Variants in LMOD1 observed in about 807,000 individuals in gnomAD.
LMOD1 encodes the protein leiomodin-1.
A neutral mutation model predicts 36.5 loss-of-function variants in LMOD1; 8 were observed. The ratio of observed to expected loss-of-function variants is 0.22; its 90% CI spans 0.13 to 0.40. The LOEUF (loss-of-function observed/expected upper bound fraction) is 0.40, where lower values mean the gene tolerates loss of function less well. Ranked by LOEUF, LMOD1 falls within the 10% of genes least tolerant of loss-of-function variation. The probability of loss-of-function intolerance (pLI) is 1.00; values close to 1 mark genes in which losing one functional copy is unlikely to be tolerated. For synonymous variants in LMOD1, 284 were observed against 288.7 expected, an observed-to-expected ratio of 0.98 and a Z score of 0.17; for missense variants, 630 against 751.1, an observed-to-expected ratio of 0.84 and a Z score of 1.88.
At position 201,900,095 on chromosome 1, in the gene LMOD1, C is replaced by T. The variant is rs750669360; in HGVS notation, c.918G>A (p.Pro306=). The change falls in exon 2 of 3, where the codon CCG becomes CCA. Residue 306 remains proline, a synonymous_variant. Transcript: ENST00000367288. ...GAGCTGCCTCCTCCTCCACCTTGGC[C>T]GGTCCTTCAGAGGGCTTGGTGGGGC... The part of the protein sequence containing the change: ...PSGPTKPSEG[P]AKVEEEAAPS... The T allele has an allele frequency of 1.7e-5, 27 of 1,613,788 alleles. No individual in the cohort carries two copies. The highest frequency in any genetic ancestry group is 5.5e-5 in the South Asian group (5 of 91,074).
At chr1:201,932,194 G>A (rs1401741520) in intron 1 of LMOD1, among the ~76,000 whole-genome samples, 1 of 152,086 alleles carries the variant, frequency 6.6e-6, no homozygotes, top group Non-Finnish European at 1.5e-5. Context: ...AGTTAAAGAG[G>A]AAAATTACAA....
chr1:201,927,968 C>T (rs186766085), intron 1 of LMOD1, among the ~76,000 whole-genome samples: 106 of 152,268 alleles, frequency 7.0e-4, no homozygotes, highest in Admixed American at 4.1e-3. Flanking sequence ...GGGTTTGGGT[C>T]ATGGGGGCAC....
chr1:201,903,592 G>A (rs1464101434), intron 1 of LMOD1, among the ~76,000 whole-genome samples: 1 of 152,206 alleles, frequency 6.6e-6, no homozygotes, highest in African/African-American at 2.4e-5. Context: ...AGCCCTTTTA[G>A]GATCTGCCCA....
intron 1 of LMOD1, among the ~76,000 whole-genome samples, chr1:201,933,046 T>C (rs1207013982): frequency 6.6e-6 from 1 of 152,162 alleles, no homozygotes; most frequent in African/African-American, 2.4e-5. Context: ...ACAACCCAAA[T>C]GTCCATTAAC....
chr1:201,906,053 G>A (rs1681405640), intron 1 of LMOD1, among the ~76,000 whole-genome samples: 1 of 152,176 alleles, frequency 6.6e-6, no homozygotes, highest in Non-Finnish European at 1.5e-5. Flanking sequence ...AATGCCCCTA[G>A]CTCGAGCTCC....
Position 201,898,157 on chromosome 1 carries a change from A to G in LMOD1, c.*215T>C, listed in dbSNP as rs1322378805. The stretch of plus-strand genomic sequence containing the variant: ...CCAGAAACCTGAGCTCCATGTACTA[A>G]AGCAAAATTTGGAGAGCCTCAGAGA... On this transcript the variant is annotated 3_prime_UTR_variant, in exon 3 of 3. Transcript: ENST00000367288. 2 of 600,546 alleles carry G rather than the reference A, an allele frequency of 3.3e-6. No individual in the cohort carries two copies. Among genetic ancestry groups the G allele is most frequent in the African/African-American group, 3.7e-5 (2 of 53,546 alleles). The allele number at this position is 600,546 out of a possible 1,614,324, so 37.2% of individuals were successfully genotyped here. A position where few individuals can be genotyped will look rare whatever the true frequency, so the allele number is the denominator to read the frequency against.
chr1:201,914,748 C>A (rs1039383497), intron 1 of LMOD1, among the ~76,000 whole-genome samples: 2 of 151,882 alleles, frequency 1.3e-5, no homozygotes, highest in South Asian at 4.2e-4. Context: ...CCCAGGCTCA[C>A]CCCTCCCCAC....
intron 1 of LMOD1, among the ~76,000 whole-genome samples, chr1:201,931,909 AC>A (rs1206850900): frequency 2.6e-4 from 39 of 152,258 alleles, no homozygotes; most frequent in African/African-American, 9.1e-4. Context: ...TCAAAAAAAA[AC>A]AAACTAATTT....
intron 1 of LMOD1, among the ~76,000 whole-genome samples, chr1:201,915,041 C>T (rs1240145942): frequency 2.0e-5 from 3 of 152,206 alleles, no homozygotes; most frequent in African/African-American, 4.8e-5. Flanking sequence ...TAGTTTCATC[C>T]AGATCACTTC....
intron 1 of LMOD1, among the ~76,000 whole-genome samples, chr1:201,943,027 G>A (rs1463036447): frequency 3.3e-5 from 5 of 152,156 alleles, no homozygotes; most frequent in Admixed American, 3.3e-4. Flanking sequence ...AGTTTTTCTA[G>A]TTATGTTCCT....
rs751187925 is a variant in LMOD1 at position 201,899,404 on chromosome 1, G to A, written c.1609C>T (p.Pro537Ser). 1.2e-6 allele frequency: 2 copies of A among 1,612,976 alleles called. No homozygotes were observed. The highest frequency in any genetic ancestry group is 3.3e-5 in the Admixed American group (2 of 59,980). Residue 537 changes from proline (P) to serine (S), a missense_variant, in exon 2 of 3, where the codon CCT becomes TCT. Coordinates refer to ENST00000367288, the MANE Select transcript of LMOD1 (RefSeq NM_012134.3). This position sits in a 1 kb window ranked among gnomAD's most constrained non-coding sequence, Gnocchi z 6.3. ...AGGGGTGGAGCCAAGGGAGGGGGAG[G>A]GGGTGGTGGGGCAGCTGGAGCACCC... is the stretch of plus-strand genomic sequence containing the variant. ...KGGAPAAPPP[P>S]PPPLAPPLIM...
intron 1 of LMOD1, among the ~76,000 whole-genome samples, chr1:201,933,889 T>C (rs1681971358): frequency 6.6e-6 from 1 of 152,152 alleles, no homozygotes; most frequent in East Asian, 1.9e-4. Flanking sequence ...CTTAGAAATA[T>C]TAAATGCTTG....
At chr1:201,933,600 T>TATATATATATATATATATATAC (rs1558242943) in intron 1 of LMOD1, among the ~76,000 whole-genome samples, 1 of 7,138 alleles carries the variant, frequency 1.4e-4, no homozygotes, top group Non-Finnish European at 7.3e-4. Context: ...ATACATTATA[T>TATATATATATATATATATATAC]ATATATATAT....
At chr1:201,914,922 C>T (rs919774145) in intron 1 of LMOD1, among the ~76,000 whole-genome samples, 4 of 152,076 alleles carry the variant, frequency 2.6e-5, no homozygotes, top group Non-Finnish European at 4.4e-5. Context: ...CCAGCTGTAG[C>T]GCCAGCCTTC....
At chr1:201,922,089 T>C (rs1681715856) in intron 1 of LMOD1, among the ~76,000 whole-genome samples, 2 of 152,084 alleles carry the variant, frequency 1.3e-5, no homozygotes, top group Admixed American at 1.3e-4. Flanking sequence ...AGACAGACAA[T>C]AATAAGTGTG....
At chr1:201,919,492 C>A (rs543552757) in intron 1 of LMOD1, among the ~76,000 whole-genome samples, 1 of 152,216 alleles carries the variant, frequency 6.6e-6, no homozygotes, top group Non-Finnish European at 1.5e-5. Context: ...GCATGAGCCA[C>A]CACGCCTGGC....
chr1:201,912,733 C>T (rs1335125329), intron 1 of LMOD1, among the ~76,000 whole-genome samples: 1 of 152,100 alleles, frequency 6.6e-6, no homozygotes, highest in Non-Finnish European at 1.5e-5. Flanking sequence ...GTGGCGGGCG[C>T]CTGTAATCCC....
At chr1:201,933,152 G>T (rs948538773) in intron 1 of LMOD1, among the ~76,000 whole-genome samples, 1 of 152,140 alleles carries the variant, frequency 6.6e-6, no homozygotes, top group Admixed American at 6.5e-5. Context: ...GGTGGCTCAC[G>T]CTTGTAATCC....
At chr1:201,901,570 A>ATGTG (rs1681313640) in intron 1 of LMOD1, among the ~76,000 whole-genome samples, 2 of 16,198 alleles carry the variant, frequency 1.2e-4, no homozygotes, top group African/African-American at 3.7e-4. Context: ...ATATGTATAT[A>ATGTG]TATATATATA....
Sources: allele counts gnomAD v4.1 joint callset (sites outside exome capture counted in the v4.1 genomes callset), GRCh38; gene constraint gnomAD v4.1.1; non-coding constraint Gnocchi (gnomAD v3.1); transcripts MANE v1.5; gene names NCBI Gene and HGNC (gene_info 2026-07-23, HGNC 2026-07-21).